The following HECW1 variants were observed in gnomAD, a reference collection of about 807,000 sequenced individuals.
The protein encoded by HECW1 is E3 ubiquitin-protein ligase HECW1.
Under a neutral mutation model 182.3 loss-of-function variants are expected in HECW1, and 61 were observed. The ratio of observed to expected loss-of-function variants is 0.33; its 90% CI spans 0.27 to 0.41. HECW1 has a LOEUF of 0.41. Ranked by LOEUF, HECW1 falls within the 10% of genes least tolerant of loss-of-function variation. The pLI is 1.00. For missense variants in HECW1, 1,739 were observed against 2,108.9 expected, an observed-to-expected ratio of 0.82 and a Z score of 3.44; for synonymous variants, 859 against 832.6, an observed-to-expected ratio of 1.03 and a Z score of -0.55.
intron 2 of HECW1, among the ~76,000 whole-genome samples, chr7:43,191,061 C>G (rs539744474): frequency 3.3e-5 from 5 of 152,306 alleles, no homozygotes; most frequent in Non-Finnish European, 5.9e-5. Flanking sequence ...AATTAAGATG[C>G]TTGAATCCCA....
intron 2 of HECW1, among the ~76,000 whole-genome samples, chr7:43,214,719 G>A (rs1796293777): frequency 6.6e-6 from 1 of 152,212 alleles, no homozygotes; most frequent in African/African-American, 2.4e-5. Flanking sequence ...GAGACGGCAG[G>A]GTGGCTGGGC....
intron 9 of HECW1, among the ~76,000 whole-genome samples, chr7:43,441,747 AC>A (rs1447899568): frequency 6.6e-6 from 1 of 152,262 alleles, no homozygotes; most frequent in African/African-American, 2.4e-5. Context: ...TTATTTATGG[AC>A]ACTGAAATTT....
intron 2 of HECW1, among the ~76,000 whole-genome samples, chr7:43,224,071 G>C (rs370572941): frequency 2.0e-5 from 3 of 152,130 alleles, no homozygotes; most frequent in Non-Finnish European, 4.4e-5. Flanking sequence ...TTTATTCGTT[G>C]CCTGTCTTCT....
chr7:43,234,219 A>G (rs1290218518), intron 2 of HECW1, among the ~76,000 whole-genome samples: 1 of 151,994 alleles, frequency 6.6e-6, no homozygotes, highest in African/African-American at 2.4e-5. Context: ...TCTGGCCTAG[A>G]TTCTTGCAAG....
chr7:43,186,189 C>A (rs371526844), intron 2 of HECW1, among the ~76,000 whole-genome samples: 6 of 152,348 alleles, frequency 3.9e-5, no homozygotes, highest in African/African-American at 1.4e-4. Flanking sequence ...TGATTCATTT[C>A]TAACCCCTAC....
intron 2 of HECW1, among the ~76,000 whole-genome samples, chr7:43,153,490 A>G (rs1464262895): frequency 2.6e-5 from 4 of 152,272 alleles, no homozygotes; most frequent in Admixed American, 2.0e-4. Context: ...TCTCATGTCT[A>G]GTTTTCCCAT....
At chr7:43,259,188 A>G (rs1584219944) in intron 3 of HECW1, among the ~76,000 whole-genome samples, 1 of 152,148 alleles carries the variant, frequency 6.6e-6, no homozygotes, top group African/African-American at 2.4e-5. Context: ...GGACTTCGAG[A>G]CCAGCCTGGC....
chr7:43,451,130 A>G (rs1430950228), intron 12 of HECW1, among the ~76,000 whole-genome samples: 1 of 152,184 alleles, frequency 6.6e-6, no homozygotes, highest in Non-Finnish European at 1.5e-5. Flanking sequence ...TAGTTTCACC[A>G]TGTGATCTTG....
intron 29 of HECW1, among the ~76,000 whole-genome samples, chr7:43,557,947 G>T (rs1343957404): frequency 1.3e-5 from 2 of 152,166 alleles, no homozygotes; most frequent in African/African-American, 4.8e-5. Context: ...TTATCTAAAT[G>T]ACATGAGATT....
chr7:43,328,410 A>G (rs1298032071), intron 5 of HECW1, among the ~76,000 whole-genome samples: 1 of 152,238 alleles, frequency 6.6e-6, no homozygotes, highest in Admixed American at 6.5e-5. Context: ...GGCCTGCAAC[A>G]TGGGACACAG....
At chr7:43,137,506 G>C (rs370194266) in intron 2 of HECW1, among the ~76,000 whole-genome samples, 3 of 149,748 alleles carry the variant, frequency 2.0e-5, no homozygotes, top group African/African-American at 7.4e-5. Context: ...TATCTTTTCT[G>C]CCTGGAATGC....
At chr7:43,314,699 G>A (rs1189040808) in intron 4 of HECW1, among the ~76,000 whole-genome samples, 1 of 152,212 alleles carries the variant, frequency 6.6e-6, no homozygotes, top group East Asian at 1.9e-4. Context: ...GTGAAGTTAT[G>A]TAATGCAAAA....
chr7:43,137,012 T>G (rs2152627887), intron 2 of HECW1, among the ~76,000 whole-genome samples: 1 of 152,312 alleles, frequency 6.6e-6, no homozygotes, highest in Middle Eastern at 3.4e-3. Flanking sequence ...AATCTTGTAG[T>G]TAAGCAACTA....
intron 2 of HECW1, among the ~76,000 whole-genome samples, chr7:43,144,704 C>T (rs770095960): frequency 2.0e-5 from 3 of 152,042 alleles, no homozygotes; most frequent in Admixed American, 2.0e-4. Context: ...TTCTAGAGCA[C>T]TTTCTTATTT....
intron 24 of HECW1, among the ~76,000 whole-genome samples, chr7:43,533,662 G>C (rs1585218055): frequency 6.6e-6 from 1 of 152,156 alleles, no homozygotes; most frequent in East Asian, 1.9e-4. Context: ...TGCGTGCAGG[G>C]TTTTTAACAG....
chr7:43,445,336 G>C lies in HECW1; in HGVS notation c.2164G>C (p.Val722Leu), dbSNP rs1298572393. 2 of 1,613,682 alleles carry C rather than the reference G, an allele frequency of 1.2e-6. No homozygotes were observed. Among genetic ancestry groups the C allele is most frequent in the Non-Finnish European group, 1.7e-6 (2 of 1,180,038 alleles). Residue 722 changes from valine to leucine, a missense_variant, in exon 11 of 30, where the codon GTG becomes CTG. Around this residue, in one of 5 missense-constraint regions of HECW1, gnomAD observed 971 missense variants for 1,029.1 expected, o/e 0.94. Coordinates refer to ENST00000395891, the MANE Select transcript of HECW1 (RefSeq NM_015052.5). Reference protein sequence around the residue: ...RFASHTRFSSVDSAKISESTV... With the variant: ...RFASHTRFSSLDSAKISESTV... ...CGCCAGCCACACGCGCTTCTCCTCC[G>C]TGGACAGCGCCAAGATCTCCGAGAG...
chr7:43,357,509 A>G (rs952978264), intron 5 of HECW1, among the ~76,000 whole-genome samples: 4 of 152,188 alleles, frequency 2.6e-5, no homozygotes, highest in African/African-American at 9.6e-5. Flanking sequence ...GGGAGCTAAC[A>G]AAGTGGATCT....
At chr7:43,277,070 A>G (rs539737368) in intron 3 of HECW1, among the ~76,000 whole-genome samples, 17 of 152,278 alleles carry the variant, frequency 1.1e-4, no homozygotes, top group Admixed American at 1.0e-3. Flanking sequence ...TCCTTTCTCT[A>G]GTCCTCCTCT....
rs2077004832 is a variant in HECW1, at chr7:43,445,088, G to T, written c.1916G>T (p.Ser639Ile). 1 of 1,603,744 alleles carries T rather than the reference G, an allele frequency of 6.2e-7. No individual in the cohort carries two copies. The highest frequency in any genetic ancestry group is 1.3e-5 in the African/African-American group (1 of 74,946). ...HPGHSGGHFPSLANGAAQDGD... is the reference protein window; with the variant it reads ...HPGHSGGHFPILANGAAQDGD... ...GGCCACTCCGGGGGCCACTTCCCCA[G>T]CCTGGCCAATGGCGCGGCCCAGGAT... Residue 639 changes from serine to isoleucine, a missense_variant, in exon 11 of 30, where the codon AGC (serine) becomes ATC (isoleucine). By Grantham distance (142) the Ser-to-Ile change is moderately radical. Coordinates refer to ENST00000395891, the MANE Select transcript of HECW1 (RefSeq NM_015052.5).
Sources: gnomAD v4.1 joint callset for allele counts (sites outside exome capture counted in the v4.1 genomes callset) on GRCh38, gnomAD v4.1.1 for gene constraint, gnomAD v4.1.1 regional missense constraint, MANE v1.5 for transcripts, NCBI Gene and HGNC (gene_info 2026-07-23, HGNC 2026-07-21) for gene names.